SMAD1: variants seen among roughly 807,000 people sequenced by gnomAD.
SMAD1 encodes the protein SMAD family member 1.
Under a neutral mutation model 41.6 loss-of-function variants are expected in SMAD1, and 6 were observed. The observed-to-expected ratio is 0.14, with a 90% CI of 0.08 to 0.28. The LOEUF is 0.28. Ranked by LOEUF, SMAD1 falls within the 10% of genes least tolerant of loss-of-function variation. The pLI, the probability that SMAD1 is intolerant of heterozygous loss-of-function variation, is 1.00. For synonymous variants in SMAD1, 206 were observed against 203.2 expected, an observed-to-expected ratio of 1.01 and a Z score of -0.12; for missense variants, 379 against 582.6, an observed-to-expected ratio of 0.65 and a Z score of 3.60.
chr4:145,554,849 C>T (rs1029224050), intron 6 of SMAD1, among the ~76,000 whole-genome samples: 1 of 152,136 alleles, frequency 6.6e-6, no homozygotes, highest in South Asian at 2.1e-4. Context: ...AGAAACAGAA[C>T]TAATTATATG....
intron 6 of SMAD1, among the ~76,000 whole-genome samples, 160 bp from the exon 7 acceptor site, chr4:145,557,631 C>T (rs1330432989): frequency 2.0e-5 from 3 of 151,974 alleles, no homozygotes; most frequent in East Asian, 1.9e-4. Context: ...ATTATGCGTG[C>T]GTTTGTGCAT....
intron 4 of SMAD1, 146 bp from the exon 5 acceptor site, chr4:145,546,557 A>G: frequency 1.5e-6 from 1 of 662,574 alleles, no homozygotes; most frequent in Non-Finnish European, 2.7e-6. Flanking sequence ...TGCTTTAAAC[A>G]TCATAGAAAA....
At chr4:145,551,698 A>G (rs1376146638) in intron 5 of SMAD1, among the ~76,000 whole-genome samples, 2 of 152,202 alleles carry the variant, frequency 1.3e-5, no homozygotes, top group African/African-American at 4.8e-5. Context: ...AAATTAAACA[A>G]TTATTTGTCA....
At chr4:145,520,439 A>G (rs1252829391) in intron 2 of SMAD1, among the ~76,000 whole-genome samples, 1 of 152,244 alleles carries the variant, frequency 6.6e-6, no homozygotes, top group Non-Finnish European at 1.5e-5. Context: ...TCTCCAAGTG[A>G]AACTGATACT....
chr4:145,499,428 T>C (rs1052582397), intron 1 of SMAD1, among the ~76,000 whole-genome samples: 3 of 152,170 alleles, frequency 2.0e-5, no homozygotes, highest in Non-Finnish European at 4.4e-5. Flanking sequence ...TGAGACCAGC[T>C]TGGGCAATGT....
chr4:145,529,721 A>G (rs963540711), intron 2 of SMAD1, among the ~76,000 whole-genome samples: 2 of 152,236 alleles, frequency 1.3e-5, no homozygotes, highest in African/African-American at 4.8e-5. Flanking sequence ...GAAAGGGATG[A>G]TCTCTAGAAA....
At chr4:145,550,632 T>TTA in intron 5 of SMAD1, among the ~76,000 whole-genome samples, 1 of 152,304 alleles carries the variant, frequency 6.6e-6, no homozygotes, top group Admixed American at 6.5e-5. Context: ...CATGCCAGTA[T>TTA]TATAGTTGGG....
intron 1 of SMAD1, among the ~76,000 whole-genome samples, chr4:145,510,968 C>G (rs1443121586): frequency 6.6e-6 from 1 of 152,256 alleles, no homozygotes; most frequent in Admixed American, 6.5e-5. Flanking sequence ...TTAAAAATCT[C>G]TGGTGATACC....
intron 5 of SMAD1, 50 bp from the exon 6 acceptor site, chr4:145,553,734 G>C (rs2126555745): frequency 6.5e-7 from 1 of 1,547,834 alleles, no homozygotes; most frequent in South Asian, 1.1e-5. Context: ...AGGTGCCTTT[G>C]AGCTGTAAAA....
intron 1 of SMAD1, chr4:145,513,456 G>A (rs1730201338): frequency 6.6e-6 from 1 of 152,144 alleles, no homozygotes; most frequent in Non-Finnish European, 1.5e-5. Context: ...GTTTAAATGA[G>A]GCAACTTGGC....
rs1193704804 is a variant in SMAD1 at position 145,517,776 on chromosome 4, C to T, written c.400+2763C>T. ...ACAAGGTGAAAAGTTAAAACCAATACTGAGATGAATTTGTTACTCTTAATA... is the reference window on the plus strand; with the variant it reads ...ACAAGGTGAAAAGTTAAAACCAATATTGAGATGAATTTGTTACTCTTAATA... On this transcript the variant is annotated intron_variant, in intron 2 of 6. Transcript: ENST00000302085. 2.8e-5 allele frequency among the ~76,000 whole-genome samples: 3 copies of T among 106,786 alleles called. 1 individual carries two copies. Among genetic ancestry groups the T allele is most frequent in the Non-Finnish European group, 4.9e-5 (2 of 40,406 alleles). 70.1% of individuals were successfully genotyped at this position (106,786 alleles called of 152,430 possible). A position where few individuals can be genotyped will look rare whatever the true frequency, so the allele number is the denominator to read the frequency against.
intron 2 of SMAD1, among the ~76,000 whole-genome samples, chr4:145,519,396 GAACCTT>G (rs1363037289): frequency 0.34 from 50,070 of 148,888 alleles, 10,363 homozygotes; most frequent in Non-Finnish European, 0.48. Flanking sequence ...GAGCCCAGCT[GAACCTT>G]TTTTTTTTTC....
chr4:145,483,774 C>G (rs530088324), intron 1 of SMAD1, among the ~76,000 whole-genome samples: 8 of 152,152 alleles, frequency 5.3e-5, no homozygotes, highest in African/African-American at 1.9e-4. Flanking sequence ...AGGATCCAGG[C>G]AGGATCGAGT....
At chr4:145,534,829 C>T (rs1361185639) in intron 2 of SMAD1, among the ~76,000 whole-genome samples, 1 of 152,136 alleles carries the variant, frequency 6.6e-6, no homozygotes, top group African/African-American at 2.4e-5. Context: ...TGGATGAATT[C>T]CTCCTTATAA....
At chr4:145,523,804 G>T (rs967892232) in intron 2 of SMAD1, among the ~76,000 whole-genome samples, 1 of 152,178 alleles carries the variant, frequency 6.6e-6, no homozygotes, top group African/African-American at 2.4e-5. Context: ...GTGCCTTAGG[G>T]TGGGGTGGGT....
chr4:145,554,056 C>G lies in SMAD1; in HGVS notation c.1254+16C>G. On this transcript the variant is annotated intron_variant, in intron 6 of 6. Transcript: ENST00000302085. ...CTTTGTGAAGGTAAGTGAGCTCCGA[C>G]TCCTCCATTTAGGGCCTAACATACT... 6.2e-7 allele frequency: 1 copy of G among 1,601,586 alleles called. No individual in the cohort carries two copies. Among genetic ancestry groups the G allele is most frequent in the Non-Finnish European group, 8.5e-7 (1 of 1,171,696 alleles).
In SMAD1 at chr4:145,553,945, G is replaced by A; in HGVS notation, c.1159G>A (p.Glu387Lys). 1 of 1,614,038 alleles carries A rather than the reference G, an allele frequency of 6.2e-7. No homozygotes were observed. ...GCSLKIFNNQ[E>K]FAQLLAQSVN... ...TAGTCTGAAAATTTTTAACAACCAA[G>A]AATTTGCTCAGTTATTGGCACAGTC... The change falls in exon 6 of 7, where the codon GAA becomes AAA. Residue 387 changes from glutamate to lysine, a missense_variant. Coordinates refer to ENST00000302085, the MANE Select transcript of SMAD1 (RefSeq NM_005900.3).
intron 1 of SMAD1, among the ~76,000 whole-genome samples, chr4:145,507,847 G>T (rs1384088675): frequency 6.6e-6 from 1 of 152,126 alleles, no homozygotes; most frequent in Non-Finnish European, 1.5e-5. Flanking sequence ...GTCTTGCCAA[G>T]GCCATAGTAT....
chr4:145,537,642 A>G (rs1390224161), intron 2 of SMAD1, among the ~76,000 whole-genome samples: 2 of 152,260 alleles, frequency 1.3e-5, no homozygotes, highest in Non-Finnish European at 2.9e-5. Context: ...TGTAGTTTAT[A>G]TATATAACAA....
Sources: gnomAD v4.1 joint callset for allele counts (sites outside exome capture counted in the v4.1 genomes callset) on GRCh38, gnomAD v4.1.1 for gene constraint, MANE v1.5 for transcripts, NCBI Gene and HGNC (gene_info 2026-07-23, HGNC 2026-07-21) for gene names.